IL1RAPL1: variants seen among roughly 807,000 people sequenced by gnomAD.
IL1RAPL1 encodes interleukin-1 receptor accessory protein-like 1.
A neutral mutation model predicts 48.4 loss-of-function variants in IL1RAPL1; 3 were observed. The ratio of observed to expected loss-of-function variants is 0.06; its 90% CI spans 0.03 to 0.16. IL1RAPL1 has a LOEUF of 0.16. IL1RAPL1 is among the 10% of genes least tolerant of loss of function. The probability of loss-of-function intolerance (pLI) is 1.00; values close to 1 mark genes in which losing one functional copy is unlikely to be tolerated. For missense variants in IL1RAPL1, 349 were observed against 530.6 expected, an observed-to-expected ratio of 0.66 and a Z score of 3.36; for synonymous variants, 185 against 187.7, an observed-to-expected ratio of 0.99 and a Z score of 0.12.
intron 6 of IL1RAPL1, among the ~76,000 whole-genome samples, chrX:29,793,018 A>C (rs1393724837): frequency 1.8e-5 from 2 of 112,297 alleles, no homozygotes; most frequent in Non-Finnish European, 3.8e-5. Flanking sequence ...TAAACAATTA[A>C]AACATAATTT....
chrX:29,134,092 T>G (rs1198092615), intron 2 of IL1RAPL1, among the ~76,000 whole-genome samples: 3 of 111,757 alleles, frequency 2.7e-5, no homozygotes, highest in Admixed American at 1.9e-4. Context: ...ATTAACCTGT[T>G]GAAAAATGGC....
At chrX:29,905,348 T>A (rs1243630426) in intron 6 of IL1RAPL1, among the ~76,000 whole-genome samples, 1 of 111,950 alleles carries the variant, frequency 8.9e-6, no homozygotes, top group Admixed American at 9.5e-5. Flanking sequence ...TCTTTTGTTG[T>A]GCAGAAGCTC....
chrX:29,568,636 A>G (rs1922490458), intron 5 of IL1RAPL1, among the ~76,000 whole-genome samples: 1 of 111,409 alleles, frequency 9.0e-6, no homozygotes, highest in Non-Finnish European at 1.9e-5. Flanking sequence ...AAGTGGGCCT[A>G]TTTATTTTGA....
chrX:29,919,854 T>C (rs777509099), intron 7 of IL1RAPL1, 95 bp from the exon 8 acceptor site: 43 of 831,025 alleles, frequency 5.2e-5, no homozygotes, highest in Non-Finnish European at 6.0e-5. Context: ...ATTTTGTAGG[T>C]AGTTTTACAT....
chrX:29,720,267 G>T (rs1927602519), intron 6 of IL1RAPL1, among the ~76,000 whole-genome samples: 1 of 109,760 alleles, frequency 9.1e-6, no homozygotes, highest in African/African-American at 3.3e-5. Context: ...ATACCCAAAG[G>T]ATTATAAATT....
At chrX:29,528,686 G>T (rs1029338361) in intron 5 of IL1RAPL1, among the ~76,000 whole-genome samples, 1 of 111,852 alleles carries the variant, frequency 8.9e-6, no homozygotes, top group African/African-American at 3.3e-5. Context: ...AGCCAGATTG[G>T]GTAAAGTTCA....
At chrX:29,635,295 C>T (rs1924931585) in intron 5 of IL1RAPL1, among the ~76,000 whole-genome samples, 1 of 111,500 alleles carries the variant, frequency 9.0e-6, no homozygotes, top group Admixed American at 9.5e-5. Context: ...TGTTAGGACA[C>T]CAAGGGTAAA....
At chrX:29,136,530 T>G (rs557203126) in intron 2 of IL1RAPL1, among the ~76,000 whole-genome samples, 2 of 111,533 alleles carry the variant, frequency 1.8e-5, no homozygotes, top group East Asian at 5.6e-4. Flanking sequence ...AAGGTCTTGC[T>G]CTGTTGCCCA....
chrX:29,211,350 G>A (rs1569260847), intron 2 of IL1RAPL1, among the ~76,000 whole-genome samples: 2 of 111,856 alleles, frequency 1.8e-5, no homozygotes, highest in Admixed American at 1.9e-4. Flanking sequence ...AGAATTAATG[G>A]CATCACATCC....
At chrX:28,878,586 T>A (rs1192845848) in intron 2 of IL1RAPL1, among the ~76,000 whole-genome samples, 1 of 111,924 alleles carries the variant, frequency 8.9e-6, no homozygotes. Flanking sequence ...TCTAATCATT[T>A]ATGGGGTAAA....
chrX:29,792,032 T>C (rs1321600007), intron 6 of IL1RAPL1, among the ~76,000 whole-genome samples: 4 of 111,568 alleles, frequency 3.6e-5, no homozygotes, highest in Admixed American at 9.5e-5. Flanking sequence ...TGCCCAGCCA[T>C]GTCTCAAACA....
chrX:28,942,271 T>A (rs1248240026), intron 2 of IL1RAPL1: 1 of 109,681 alleles, frequency 9.1e-6, no homozygotes, highest in African/African-American at 3.3e-5. Context: ...TCTTTACTCC[T>A]GAATCTTGTT....
At chrX:28,775,298 A>G (rs1298532297) in intron 1 of IL1RAPL1, among the ~76,000 whole-genome samples, 1 of 112,086 alleles carries the variant, frequency 8.9e-6, no homozygotes, top group Non-Finnish European at 1.9e-5. Flanking sequence ...AAGTCTCTAG[A>G]GGTTGATTCT....
rs1290952270 is a variant in IL1RAPL1 at position 28,821,059 on chromosome X, G to T, written c.82+31634G>T. Among the ~76,000 whole-genome samples, 5 of 111,628 alleles carry T rather than the reference G, an allele frequency of 4.5e-5. No homozygotes were observed. In the East Asian group the frequency reaches 1.1e-3, roughly 25 times the overall value. Reference sequence around the variant, plus strand: ...AACACCGGACGCTGTCAAGCACAGAGAGGTGTTTGGTAAAAAATATTAAAA... The same window carrying T: ...AACACCGGACGCTGTCAAGCACAGATAGGTGTTTGGTAAAAAATATTAAAA... On this transcript the variant is annotated intron_variant, in intron 2 of 10. Coordinates refer to ENST00000378993, the MANE Select transcript of IL1RAPL1 (RefSeq NM_014271.4).
intron 1 of IL1RAPL1, among the ~76,000 whole-genome samples, chrX:28,621,982 A>G (rs1934289627): frequency 9.0e-6 from 1 of 111,070 alleles, no homozygotes; most frequent in Non-Finnish European, 1.9e-5. Flanking sequence ...TCCCTATCCC[A>G]TACTCCCTTA....
intron 1 of IL1RAPL1, among the ~76,000 whole-genome samples, chrX:28,721,196 T>G (rs1935572422): frequency 8.9e-6 from 1 of 112,141 alleles, no homozygotes; most frequent in African/African-American, 3.2e-5. Flanking sequence ...TTGAACTAGT[T>G]TACAGTCCCA....
At chrX:28,944,522 A>C (rs1924245578) in intron 2 of IL1RAPL1, among the ~76,000 whole-genome samples, 1 of 110,840 alleles carries the variant, frequency 9.0e-6, no homozygotes, top group Non-Finnish European at 1.9e-5. Flanking sequence ...TATTTGCATA[A>C]AATTTTAAAT....
At chrX:29,088,672 C>CAAAAAAAAAAAA (rs1182451817) in intron 2 of IL1RAPL1, among the ~76,000 whole-genome samples, 231 of 32,544 alleles carry the variant, frequency 7.1e-3, no homozygotes, top group Middle Eastern at 0.027. Flanking sequence ...CACTCCTTCT[C>CAAAAAAAAAAAA]AAAAAAAAAA....
At chrX:29,251,317 C>A (rs1013179894) in intron 2 of IL1RAPL1, among the ~76,000 whole-genome samples, 3 of 110,359 alleles carry the variant, frequency 2.7e-5, no homozygotes, top group Non-Finnish European at 5.7e-5. Context: ...GTTCTAGGGA[C>A]CACTAATAGA....
Sources: gnomAD v4.1 joint callset for allele counts (sites outside exome capture counted in the v4.1 genomes callset) on GRCh38, gnomAD v4.1.1 for gene constraint, MANE v1.5 for transcripts, NCBI Gene and HGNC (gene_info 2026-07-23, HGNC 2026-07-21) for gene names.